CYSTM1: variants seen among roughly 807,000 people sequenced by gnomAD.
CYSTM1 encodes cysteine-rich transmembrane module-containing protein 1.
A neutral mutation model predicts 13.1 loss-of-function variants in CYSTM1; 4 were observed. The observed-to-expected ratio is 0.31, with a 90% confidence interval of 0.15 to 0.70. The LOEUF is 0.70. Among genes scored for constraint, CYSTM1 ranks in the 30% least tolerant of loss-of-function variants. The pLI is 0.72. For synonymous variants in CYSTM1, 36 were observed against 42.7 expected, an observed-to-expected ratio of 0.84 and a Z score of 0.62; for missense variants, 96 against 121.6, an observed-to-expected ratio of 0.79 and a Z score of 0.99.
intron 1 of CYSTM1, among the ~76,000 whole-genome samples, chr5:140,186,608 G>A (rs946280322): frequency 6.6e-6 from 1 of 152,136 alleles, no homozygotes; most frequent in African/African-American, 2.4e-5. Context: ...GCTTGGTTTT[G>A]TGATTGCTGG....
Position 140,219,246 on chromosome 5 carries a change from T to A in CYSTM1, c.188-24059T>A, listed in dbSNP as rs1764463649. On this transcript the variant is annotated intron_variant, in intron 2 of 2. Transcript: ENST00000261811. The surrounding 1 kb of genome is among the most constrained non-coding windows in gnomAD (Gnocchi z 4.1). Reference sequence around the variant, plus strand: ...GGGGATTTTCAGGACCATTTGCCCTTGATTCTAGGTGGATGTCAGCTTGTG... The same window carrying A: ...GGGGATTTTCAGGACCATTTGCCCTAGATTCTAGGTGGATGTCAGCTTGTG... 6.6e-6 allele frequency among the ~76,000 whole-genome samples: 1 copy of A among 152,194 alleles called. No individual in the cohort carries two copies. The highest frequency in any genetic ancestry group is 1.5e-5 in the Non-Finnish European group (1 of 68,036).
Position 140,243,447 on chromosome 5 carries a change from G to A in CYSTM1, c.*36G>A. On this transcript the variant is annotated 3_prime_UTR_variant, in exon 3 of 3. Coordinates refer to ENST00000261811, the MANE Select transcript of CYSTM1 (RefSeq NM_032412.4). ...CCAGCCGTCCTGTCCTGCCAGCTCT[G>A]CTGCCACCTCTGACAGGTGTGCCTG... 25 of 1,587,042 alleles carry A rather than the reference G, an allele frequency of 1.6e-5. No homozygotes were observed. Among genetic ancestry groups the A allele is most frequent in the Non-Finnish European group, 2.2e-5 (25 of 1,158,578 alleles).
chr5:140,188,072 T>TC (rs1764039374), intron 1 of CYSTM1, among the ~76,000 whole-genome samples: 1 of 144,806 alleles, frequency 6.9e-6, no homozygotes, highest in African/African-American at 2.5e-5. Flanking sequence ...AATTTTAACT[T>TC]TTTTTTTTTT....
At chr5:140,220,641 G>T (rs1462869684) in intron 2 of CYSTM1, among the ~76,000 whole-genome samples, 1 of 152,118 alleles carries the variant, frequency 6.6e-6, no homozygotes, top group African/African-American at 2.4e-5. Flanking sequence ...GGCTGTGTCA[G>T]GAAAATGCAA....
At chr5:140,181,833 A>G (rs1479858632) in intron 1 of CYSTM1, among the ~76,000 whole-genome samples, 3 of 152,190 alleles carry the variant, frequency 2.0e-5, no homozygotes, top group Non-Finnish European at 4.4e-5. Context: ...AGGTCTTGCT[A>G]TGTTGACTAG....
chr5:140,212,669 T>C (rs1260389654), intron 2 of CYSTM1, among the ~76,000 whole-genome samples: 2 of 151,844 alleles, frequency 1.3e-5, no homozygotes, highest in Non-Finnish European at 2.9e-5. Context: ...TAAAGTATAG[T>C]AAATATATAA....
intron 2 of CYSTM1, among the ~76,000 whole-genome samples, chr5:140,237,711 T>C (rs1294822242): frequency 1.3e-5 from 2 of 152,196 alleles, no homozygotes; most frequent in Non-Finnish European, 2.9e-5. Flanking sequence ...AGATAGATTT[T>C]GTTGTTTTTC....
intron 2 of CYSTM1, among the ~76,000 whole-genome samples, chr5:140,218,036 G>A (rs924021569): frequency 1.3e-5 from 2 of 152,170 alleles, no homozygotes; most frequent in Admixed American, 1.3e-4. Context: ...AGTGGTGACT[G>A]TGAGAGTTGG....
chr5:140,191,773 T>C (rs1372803846), intron 1 of CYSTM1, among the ~76,000 whole-genome samples: 1 of 152,218 alleles, frequency 6.6e-6, no homozygotes, highest in East Asian at 1.9e-4. Context: ...TTATGATAAC[T>C]GTATTGTACT....
At chr5:140,195,228 T>C (rs1207321042) in intron 2 of CYSTM1, among the ~76,000 whole-genome samples, 3 of 152,214 alleles carry the variant, frequency 2.0e-5, no homozygotes, top group Non-Finnish European at 4.4e-5. Flanking sequence ...CTATATTATA[T>C]GTACAGAAAG....
intron 2 of CYSTM1, among the ~76,000 whole-genome samples, chr5:140,240,743 C>T (rs986219003): frequency 1.3e-5 from 2 of 152,070 alleles, no homozygotes; most frequent in Non-Finnish European, 2.9e-5. Context: ...CTGGGCCCCA[C>T]CGCAGGTGCT....
intron 2 of CYSTM1, among the ~76,000 whole-genome samples, chr5:140,236,759 A>G (rs545804152): frequency 6.6e-6 from 1 of 152,362 alleles, no homozygotes; most frequent in African/African-American, 2.4e-5. Context: ...ACCTCGGCTC[A>G]GGTCTGCCCA....
intron 2 of CYSTM1, chr5:140,200,443 T>G (rs1764212062): frequency 6.6e-6 from 1 of 152,238 alleles, no homozygotes; most frequent in Admixed American, 6.5e-5. Context: ...ATGTGTGGTG[T>G]TATTTCTGAG....
At position 140,190,827 on chromosome 5, in the gene CYSTM1, G is replaced by A. The variant is rs1039384279; in HGVS notation, c.-20-3619G>A. ...CACTATTTTAGCTGTCCCTTTTAGA[G>A]TTCTGATTTGTCTTTAATGCTACAA... On this transcript the variant is annotated intron_variant, in intron 1 of 2. Coordinates refer to ENST00000261811, the MANE Select transcript of CYSTM1 (RefSeq NM_032412.4). Among the ~76,000 whole-genome samples, 4 of 152,234 alleles carry A rather than the reference G, an allele frequency of 2.6e-5. No homozygotes were observed. In the South Asian group the frequency reaches 6.2e-4, roughly 24 times the overall value.
At chr5:140,203,444 A>T (rs1764254997) in intron 2 of CYSTM1, among the ~76,000 whole-genome samples, 1 of 152,204 alleles carries the variant, frequency 6.6e-6, no homozygotes. Flanking sequence ...CAAGGGGAGG[A>T]AAATAGACTT....
chr5:140,189,138 G>T (rs1162352993), intron 1 of CYSTM1, among the ~76,000 whole-genome samples: 2 of 152,154 alleles, frequency 1.3e-5, no homozygotes, highest in Non-Finnish European at 2.9e-5. Flanking sequence ...TTGGATATTT[G>T]TCCTCTCCAG....
In CYSTM1 at chr5:140,230,998, A is replaced by C. The variant is rs1764611570; in HGVS notation, c.188-12307A>C. On this transcript the variant is annotated intron_variant, in intron 2 of 2. Coordinates refer to ENST00000261811, the MANE Select transcript of CYSTM1 (RefSeq NM_032412.4). The surrounding 1 kb of genome is among the most constrained non-coding windows in gnomAD (Gnocchi z 4.1). ...TTAGAATGTGTGTTAGTTTCTACAG[A>C]AAACCATGTTTGGCTTTGATTGGAA... Among the ~76,000 whole-genome samples the C allele has an allele frequency of 6.6e-6, 1 of 151,276 alleles. No homozygotes were observed. The highest frequency in any genetic ancestry group is 1.5e-5 in the Non-Finnish European group (1 of 68,030).
intron 2 of CYSTM1, among the ~76,000 whole-genome samples, chr5:140,218,407 G>C (rs1382021714): frequency 6.6e-6 from 1 of 152,196 alleles, no homozygotes; most frequent in Non-Finnish European, 1.5e-5. Context: ...GGGAGCAATA[G>C]TAGCAGCTAG....
In CYSTM1 at chr5:140,230,626, A is replaced by C. The variant is rs760364984; in HGVS notation, c.188-12679A>C. Among the ~76,000 whole-genome samples the C allele has an allele frequency of 6.6e-6, 1 of 152,192 alleles. No individual in the cohort carries two copies. The highest frequency in any genetic ancestry group is 1.5e-5 in the Non-Finnish European group (1 of 68,036). The stretch of plus-strand genomic sequence containing the variant: ...ATCATCAGCAGGCTCATTCTGTCCA[A>C]ACTCCAGCTGGCCATATTGGTTCTA... On this transcript the variant is annotated intron_variant, in intron 2 of 2. Transcript: ENST00000261811. The surrounding 1 kb of genome is among the most constrained non-coding windows in gnomAD (Gnocchi z 4.1).
Sources: gnomAD v4.1 joint callset for allele counts (sites outside exome capture counted in the v4.1 genomes callset) on GRCh38, gnomAD v4.1.1 for gene constraint, Gnocchi (gnomAD v3.1) non-coding constraint, MANE v1.5 for transcripts, NCBI Gene and HGNC (gene_info 2026-07-23, HGNC 2026-07-21) for gene names.